ENG: variants seen among roughly 807,000 people sequenced by gnomAD.
ENG encodes the protein endoglin.
ENG carries 17 observed loss-of-function variants against 71.0 expected under a neutral mutation model. The ratio of observed to expected loss-of-function variants is 0.24; its 90% confidence interval spans 0.16 to 0.36. The LOEUF (loss-of-function observed/expected upper bound fraction) is 0.36, where lower values mean the gene tolerates loss of function less well. Ranked by LOEUF, ENG falls within the 10% of genes least tolerant of loss-of-function variation. The probability of loss-of-function intolerance (pLI) is 1.00; values close to 1 mark genes in which losing one functional copy is unlikely to be tolerated. For missense variants in ENG, 749 were observed against 868.3 expected (o/e 0.86, Z 1.73); for synonymous variants, 360 against 366.9 (o/e 0.98, Z 0.21).
chr9:127,815,910 G>A (rs891615717), intron 14 of ENG, 33 bp downstream of exon 14: 43 of 1,579,916 alleles, frequency 2.7e-5, no homozygotes, highest in Admixed American at 3.7e-5. Flanking sequence ...GGAGGGGCCC[G>A]GCATGCTCAC....
At chr9:127,817,447 G>A (rs1205285308) in intron 12 of ENG, 3 of 590,034 alleles carry the variant, frequency 5.1e-6, no homozygotes, top group Non-Finnish European at 9.2e-6. Flanking sequence ...ATGCCCAGGA[G>A]CACTGTGGAA....
intron 2 of ENG, among the ~76,000 whole-genome samples, chr9:127,830,240 G>T (rs997524105): frequency 4.6e-5 from 7 of 151,312 alleles, no homozygotes; most frequent in African/African-American, 1.5e-4. Context: ...CACTGGGGAG[G>T]CTGAGACACA....
At position 127,832,069 on chromosome 9, in the gene ENG, C is replaced by CTTTTTTTT. The variant is rs1041729379; in HGVS notation, c.220-2250_220-2243dup. ...GGAATTACAGACATGAGCTACCATT[C>CTTTTTTTT]TTTTTTTTTTTTTTTTTTTTTTTTG... On this transcript the variant is annotated intron_variant, in intron 2 of 14. Transcript: ENST00000373203. 1.3e-3 allele frequency among the ~76,000 whole-genome samples: 108 copies of CTTTTTTTT among 83,614 alleles called. 4 individuals carry two copies. The highest frequency in any genetic ancestry group is 3.2e-3 in the African/African-American group (56 of 17,722). The allele number at this position is 83,614 out of a possible 152,430, so 54.9% of individuals were successfully genotyped here.
At chr9:127,849,857 G>A (rs1588601694) in intron 1 of ENG, among the ~76,000 whole-genome samples, 2 of 152,208 alleles carry the variant, frequency 1.3e-5, no homozygotes, top group Admixed American at 1.3e-4. Flanking sequence ...TGAGTTATAC[G>A]AGTACCTCAG....
At chr9:127,853,459 C>A (rs1454348190) in intron 1 of ENG, among the ~76,000 whole-genome samples, 3 of 152,114 alleles carry the variant, frequency 2.0e-5, no homozygotes, top group Non-Finnish European at 4.4e-5. Flanking sequence ...CTGGGGGTCC[C>A]TTGCTCCTCA....
At chr9:127,837,733 C>T (rs1197075202) in intron 2 of ENG, among the ~76,000 whole-genome samples, 1 of 150,618 alleles carries the variant, frequency 6.6e-6, no homozygotes, top group Non-Finnish European at 1.5e-5. Flanking sequence ...TTCTCTCTCC[C>T]TCCCGCCCTT....
intron 11 of ENG, 155 bp from the exon 12 acceptor site, chr9:127,818,532 C>T: frequency 7.0e-7 from 1 of 1,435,060 alleles, no homozygotes. Flanking sequence ...AGGAGGAGGA[C>T]AGGGCCACAT....
At chr9:127,842,648 C>A (rs560799941) in intron 2 of ENG, among the ~76,000 whole-genome samples, 1 of 152,276 alleles carries the variant, frequency 6.6e-6, no homozygotes, top group Non-Finnish European at 1.5e-5. Flanking sequence ...TGGTCTCGAT[C>A]TCCTGACCTC....
chr9:127,846,985 C>G lies in ENG; in HGVS notation c.68-3740G>C. ...AAAAACAGCTCTGGAGCCAGATGGC[C>G]TGGATCAAATCCCAGCTCTGCCTCT... On this transcript the variant is annotated intron_variant, in intron 1 of 14. Coordinates refer to ENST00000373203, the MANE Select transcript of ENG (RefSeq NM_001114753.3). The surrounding 1 kb of genome is among the most constrained non-coding windows in gnomAD (Gnocchi z 5.5). 1 of 982,662 alleles carries G rather than the reference C, an allele frequency of 1.0e-6. No homozygotes were observed. Among genetic ancestry groups the G allele is most frequent in the Non-Finnish European group, 1.2e-6 (1 of 827,420 alleles). The allele number at this position is 982,662 out of a possible 1,614,324, so 60.9% of individuals were successfully genotyped here. A position where few individuals can be genotyped will look rare whatever the true frequency, so the allele number is the denominator to read the frequency against.
At position 127,838,072 on chromosome 9, in the gene ENG, C is replaced by T. The variant is rs1005050119; in HGVS notation, c.219+5022G>A. 1.3e-5 allele frequency among the ~76,000 whole-genome samples: 2 copies of T among 152,184 alleles called. No individual in the cohort carries two copies. Among genetic ancestry groups the T allele is most frequent in the Non-Finnish European group, 2.9e-5 (2 of 68,028 alleles). On this transcript the variant is annotated intron_variant, in intron 2 of 14. Coordinates refer to ENST00000373203, the MANE Select transcript of ENG (RefSeq NM_001114753.3). This position sits in a 1 kb window ranked among gnomAD's most constrained non-coding sequence, Gnocchi z 4.3. ...CTCATGTGTCCACATGTGGACAGCT[C>T]AGCCCGGATACCCAAACTCCACCAT...
rs368250530 is a variant in ENG at position 127,818,791 on chromosome 9, C to T, written c.1353G>A (p.Gln451=). The change falls in exon 11 of 15, where the codon CAG becomes CAA. Residue 451 remains glutamine, a synonymous_variant. Transcript: ENST00000373203. The part of the protein sequence containing the change: ...HCLNMDSLSF[Q]LGLYLSPHFL... ...AGTGTGGGCTGAGGTAGAGGCCCAG[C>T]TGGAAAGAGAGGCTGTCCATGTTGA... The T allele has an allele frequency of 2.5e-6, 4 of 1,614,098 alleles. No homozygotes were observed. Among genetic ancestry groups the T allele is most frequent in the Non-Finnish European group, 2.5e-6 (3 of 1,180,002 alleles).
chr9:127,843,298 G>T, intron 1 of ENG, 53 bp from the exon 2 acceptor site: 2 of 1,612,688 alleles, frequency 1.2e-6, no homozygotes, highest in South Asian at 2.2e-5. Flanking sequence ...TGATGACAAT[G>T]ACTCCTACTT....
At chr9:127,829,606 G>C in intron 3 of ENG, 81 bp downstream of exon 3, 1 of 1,583,346 alleles carries the variant, frequency 6.3e-7, no homozygotes, top group Non-Finnish European at 8.6e-7. Context: ...GCTGGGGTGG[G>C]AGACCCTGAC....
intron 1 of ENG, among the ~76,000 whole-genome samples, chr9:127,845,101 AG>A (rs1831138752): frequency 6.6e-6 from 1 of 152,236 alleles, no homozygotes; most frequent in Admixed American, 6.5e-5. Flanking sequence ...GGAGGACAGA[AG>A]GGGAGACTGT....
intron 3 of ENG, among the ~76,000 whole-genome samples, chr9:127,828,802 C>T (rs756476487): frequency 2.0e-5 from 3 of 152,154 alleles, no homozygotes; most frequent in African/African-American, 4.8e-5. Context: ...CGCCCAACTT[C>T]GCTCAAGCCT....
At chr9:127,833,873 A>C (rs1037142141) in intron 2 of ENG, among the ~76,000 whole-genome samples, 5 of 152,230 alleles carry the variant, frequency 3.3e-5, no homozygotes, top group African/African-American at 1.2e-4. Flanking sequence ...TTTGCTTTTA[A>C]GTTTCCTCTT....
At chr9:127,822,838 A>G (rs1009186727) in intron 8 of ENG, among the ~76,000 whole-genome samples, 14 of 152,104 alleles carry the variant, frequency 9.2e-5, no homozygotes, top group African/African-American at 2.9e-4. Flanking sequence ...TTTTTAAAGC[A>G]TGTTTTTTGT....
intron 1 of ENG, among the ~76,000 whole-genome samples, chr9:127,851,770 C>T (rs1384783539): frequency 3.3e-5 from 5 of 151,810 alleles, no homozygotes; most frequent in Admixed American, 3.3e-4. Flanking sequence ...CCCAGCTACT[C>T]GAGAGGATGA....
intron 3 of ENG, among the ~76,000 whole-genome samples, chr9:127,828,904 G>T (rs1830693951): frequency 6.6e-6 from 1 of 151,920 alleles, no homozygotes; most frequent in East Asian, 1.9e-4. Context: ...CCTACCCTCT[G>T]CTTTCTCTGT....
Sources: gnomAD v4.1 joint callset for allele counts (sites outside exome capture counted in the v4.1 genomes callset) on GRCh38, gnomAD v4.1.1 for gene constraint, Gnocchi (gnomAD v3.1) non-coding constraint, MANE v1.5 for transcripts, NCBI Gene and HGNC (gene_info 2026-07-23, HGNC 2026-07-21) for gene names.